PHGDH: variants seen among roughly 807,000 people sequenced by gnomAD.
PHGDH encodes the protein D-3-phosphoglycerate dehydrogenase.
PHGDH carries 50 observed loss-of-function variants against 52.6 expected under a neutral mutation model. That is an observed-to-expected ratio of 0.95 (90% CI 0.76 to 1.20). PHGDH has a LOEUF of 1.20. Ranked by LOEUF, PHGDH falls within the 50% of genes most tolerant of loss-of-function variation. PHGDH has a pLI of 0.00. For missense variants in PHGDH, 630 were observed against 684.6 expected (o/e 0.92, Z 0.89); for synonymous variants, 271 against 280.5 (o/e 0.97, Z 0.34).
intron 3 of PHGDH, among the ~76,000 whole-genome samples, chr1:119,725,409 G>C (rs1651363045): frequency 6.6e-6 from 1 of 152,190 alleles, no homozygotes. Flanking sequence ...AGAGGAGAGA[G>C]GGGCCAGGTG....
At position 119,734,618 on chromosome 1, in the gene PHGDH, T is replaced by C; in HGVS notation, c.511-16T>C. The C allele has an allele frequency of 6.2e-7, 1 of 1,613,504 alleles. No individual in the cohort carries two copies. The highest frequency in any genetic ancestry group is 8.5e-7 in the Non-Finnish European group (1 of 1,179,412). Reference sequence around the variant, plus strand: ...TTAAGAATGACACTTCCTCCCTCTCTCTTGCTTCCAACCAGACTATAGGGT... The same window carrying C: ...TTAAGAATGACACTTCCTCCCTCTCCCTTGCTTCCAACCAGACTATAGGGT... On this transcript the variant is annotated splice_polypyrimidine_tract_variant and intron_variant, in intron 5 of 11. Coordinates refer to ENST00000641023, the MANE Select transcript of PHGDH (RefSeq NM_006623.4).
Position 119,727,055 on chromosome 1 carries a change from A to G in PHGDH, c.463A>G (p.Arg155Gly). The change falls in exon 5 of 12, where the codon AGG becomes GGG. Residue 155 changes from arginine (R) to glycine (G), a missense_variant. Arg to Gly is a moderately radical substitution (Grantham distance 125, BLOSUM62 -2). Transcript: ENST00000641023. ...GKTLGILGLG[R>G]IGREVATRMQ... ...GACCCTGGGAATTCTTGGCCTGGGCAGGATTGGGAGAGAGGTAGCTACCCG... is the reference window on the plus strand; with the variant it reads ...GACCCTGGGAATTCTTGGCCTGGGCGGGATTGGGAGAGAGGTAGCTACCCG... 1 of 1,613,552 alleles carries G rather than the reference A, an allele frequency of 6.2e-7. No individual in the cohort carries two copies. The highest frequency in any genetic ancestry group is 1.1e-5 in the South Asian group (1 of 91,078).
rs1459406813 is a variant in PHGDH at position 119,721,154 on chromosome 1, G to T, written c.139-16G>T. On this transcript the variant is annotated splice_polypyrimidine_tract_variant and intron_variant, in intron 1 of 11. Transcript: ENST00000641023. ...ACAGAATGACTTTCTGGACCCAAATGTTTTTTCTGCTTCAGGACTGTGAAG... is the reference window on the plus strand; with the variant it reads ...ACAGAATGACTTTCTGGACCCAAATTTTTTTTCTGCTTCAGGACTGTGAAG... The T allele has an allele frequency of 1.2e-6, 2 of 1,613,832 alleles. No homozygotes were observed. Among genetic ancestry groups the T allele is most frequent in the Admixed American group, 1.7e-5 (1 of 60,006 alleles).
intron 2 of PHGDH, chr1:119,721,598 G>A: frequency 5.0e-6 from 2 of 397,780 alleles, no homozygotes; most frequent in Non-Finnish European, 9.2e-6. Flanking sequence ...AATGTTTCAC[G>A]AGCCCACCCC....
intron 5 of PHGDH, among the ~76,000 whole-genome samples, chr1:119,730,684 G>A (rs759644828): frequency 6.6e-6 from 1 of 152,156 alleles, no homozygotes; most frequent in Non-Finnish European, 1.5e-5. Flanking sequence ...TCAATGATGG[G>A]TATTTAGATT....
intron 1 of PHGDH, chr1:119,720,272 AT>A (rs1260155145): frequency 6.6e-6 from 1 of 152,134 alleles, no homozygotes; most frequent in Non-Finnish European, 1.5e-5. Flanking sequence ...GCATATGTAT[AT>A]TTTTAGTCTA....
Position 119,721,310 on chromosome 1 carries a change from C to A in PHGDH, c.279C>A (p.Ile93=). 1 of 1,613,926 alleles carries A rather than the reference C, an allele frequency of 6.2e-7. No homozygotes were observed. The highest frequency in any genetic ancestry group is 8.5e-7 in the Non-Finnish European group (1 of 1,179,946). Residue 93 remains isoleucine, a synonymous_variant, in exon 2 of 12, where the codon ATC becomes ATA. Coordinates refer to ENST00000641023, the MANE Select transcript of PHGDH (RefSeq NM_006623.4). ...VDLEAATRKG[I]LVMNTPNGNS... ...TGGAGGCCGCAACAAGGAAGGGCAT[C>A]TTGGTTATGAAGTAAGTCATGGAGG...
chr1:119,712,891 T>C (rs1441729777), intron 1 of PHGDH, among the ~76,000 whole-genome samples: 1 of 152,242 alleles, frequency 6.6e-6, no homozygotes, highest in African/African-American at 2.4e-5. Flanking sequence ...GGTCCAGATT[T>C]AGCCTCCTCC....
At position 119,743,000 on chromosome 1, in the gene PHGDH, T is replaced by G. The variant is rs960141157; in HGVS notation, c.1403T>G (p.Phe468Cys). 1 of 1,613,988 alleles carries G rather than the reference T, an allele frequency of 6.2e-7. No individual in the cohort carries two copies. ...CGCAGGGACCTGCCCCTGCTCCTAT[T>G]CCGGACTCAGACCTCTGACCCTGCA... ...PLRRDLPLLL[F>C]RTQTSDPAML... Residue 468 changes from phenylalanine (F) to cysteine (C), a missense_variant, in exon 11 of 12, where the codon TTC becomes TGC. Phe to Cys is a radical substitution (Grantham distance 205). Transcript: ENST00000641023.
Position 119,712,071 on chromosome 1 carries a change from C to T in PHGDH, c.49C>T (p.Pro17Ser). 1.2e-6 allele frequency: 2 copies of T among 1,614,122 alleles called. No individual in the cohort carries two copies. Among genetic ancestry groups the T allele is most frequent in the Non-Finnish European group, 1.7e-6 (2 of 1,180,000 alleles). The change falls in exon 1 of 12, where the codon CCT becomes TCT. Residue 17 changes from proline (P) to serine (S), a missense_variant. Pro to Ser is a moderately conservative substitution (Grantham distance 74). Coordinates refer to ENST00000641023, the MANE Select transcript of PHGDH (RefSeq NM_006623.4). ...AGTGCTCATCAGTGACAGCCTGGAC[C>T]CTTGCTGCCGGAAGATCTTGCAAGA... ...RKVLISDSLD[P>S]CCRKILQDGG...
At chr1:119,724,195 G>A (rs1243927546) in intron 3 of PHGDH, 1 of 159,742 alleles carries the variant, frequency 6.3e-6, no homozygotes, top group Non-Finnish European at 1.4e-5. Flanking sequence ...CATTTATGTG[G>A]TCAAGGGGAA....
At chr1:119,722,596 T>C (rs1651218336) in intron 2 of PHGDH, among the ~76,000 whole-genome samples, 1 of 151,586 alleles carries the variant, frequency 6.6e-6, no homozygotes, top group South Asian at 2.1e-4. Context: ...AAAAGCTAGG[T>C]TGGGGCTGCG....
At chr1:119,727,300 G>T (rs1651474066) in intron 5 of PHGDH, 198 bp downstream of exon 5, 1 of 615,624 alleles carries the variant, frequency 1.6e-6, no homozygotes, top group Admixed American at 2.5e-5. Flanking sequence ...GGAAATACTT[G>T]GTGGGGGTCC....
chr1:119,718,708 C>G (rs1357184012), intron 1 of PHGDH, among the ~76,000 whole-genome samples: 2 of 152,124 alleles, frequency 1.3e-5, no homozygotes, highest in African/African-American at 4.8e-5. Flanking sequence ...TGTAAAGCAA[C>G]TGGTGTAATG....
At chr1:119,725,731 G>A (rs1651378465) in intron 3 of PHGDH, among the ~76,000 whole-genome samples, 1 of 152,210 alleles carries the variant, frequency 6.6e-6, no homozygotes, top group African/African-American at 2.4e-5. Context: ...CACGGAAGTA[G>A]CAGCTTGAGA....
chr1:119,740,336 A>T (rs760256994), intron 8 of PHGDH, 50 bp from the exon 9 acceptor site: 21 of 1,610,830 alleles, frequency 1.3e-5, no homozygotes, highest in Non-Finnish European at 1.8e-5. Flanking sequence ...TTGATTCAGG[A>T]TCTGCCATGC....
At chr1:119,726,733 C>G in intron 3 of PHGDH, 118 bp from the exon 4 acceptor site, 1 of 811,050 alleles carries the variant, frequency 1.2e-6, no homozygotes, top group Admixed American at 1.8e-5. Context: ...AACCCCCAGA[C>G]CCAGTTCTTG....
At chr1:119,725,408 AG>A (rs1343184846) in intron 3 of PHGDH, among the ~76,000 whole-genome samples, 3 of 152,236 alleles carry the variant, frequency 2.0e-5, no homozygotes, top group African/African-American at 7.2e-5. Flanking sequence ...GAGAGGAGAG[AG>A]GGGCCAGGTG....
rs41276630 is a variant in PHGDH, at chr1:119,721,477, C to T, written c.290+156C>T. 5.8e-6 allele frequency: 4 copies of T among 683,910 alleles called. No individual in the cohort carries two copies. In the Admixed American group the frequency reaches 8.6e-5, roughly 15 times the overall value. The allele number at this position is 683,910 out of a possible 1,614,324, so 42.4% of individuals were successfully genotyped here. On this transcript the variant is annotated intron_variant, in intron 2 of 11. Coordinates refer to ENST00000641023, the MANE Select transcript of PHGDH (RefSeq NM_006623.4). Reference sequence around the variant, plus strand: ...CTAGGGCCTGCATGGTCAACACACACAGCATAGTGGTTTCAAGGTTTTTGG... The same window carrying T: ...CTAGGGCCTGCATGGTCAACACACATAGCATAGTGGTTTCAAGGTTTTTGG...
Sources: allele counts gnomAD v4.1 joint callset (sites outside exome capture counted in the v4.1 genomes callset), GRCh38; gene constraint gnomAD v4.1.1; transcripts MANE v1.5; gene names NCBI Gene and HGNC (gene_info 2026-07-23, HGNC 2026-07-21).